Variants in SLC24A4 observed in about 807,000 individuals in gnomAD.
The protein encoded by SLC24A4 is sodium/potassium/calcium exchanger 4.
In SLC24A4, 53 loss-of-function variants were observed where a neutral mutation model predicts 79.0. The ratio of observed to expected loss-of-function variants is 0.67; its 90% CI spans 0.54 to 0.84. The LOEUF (loss-of-function observed/expected upper bound fraction) is 0.84, where lower values mean the gene tolerates loss of function less well. Among genes scored for constraint, SLC24A4 ranks in the 40% least tolerant of loss-of-function variants. The pLI is 0.00. For synonymous variants in SLC24A4, 323 were observed against 323.8 expected, an observed-to-expected ratio of 1.00 and a Z score of 0.03; for missense variants, 731 against 822.0, an observed-to-expected ratio of 0.89 and a Z score of 1.35.
intron 2 of SLC24A4, among the ~76,000 whole-genome samples, chr14:92,350,563 G>C (rs772057345): frequency 6.6e-6 from 1 of 152,186 alleles, no homozygotes; most frequent in Non-Finnish European, 1.5e-5. Flanking sequence ...ATCTGAGGGT[G>C]GGGATGATCT....
At chr14:92,447,348 G>T (rs147957599) in intron 8 of SLC24A4, 23 bp from the exon 9 acceptor site, 1 of 1,613,002 alleles carries the variant, frequency 6.2e-7, no homozygotes, top group Non-Finnish European at 8.5e-7. Flanking sequence ...AGCTCTAACC[G>T]CAATCTCCTT....
chr14:92,411,867 G>A (rs1595239468), intron 2 of SLC24A4, among the ~76,000 whole-genome samples: 1 of 152,184 alleles, frequency 6.6e-6, no homozygotes, highest in East Asian at 1.9e-4. Context: ...CCAAGGTTAA[G>A]ACCTCTGCCC....
chr14:92,340,907 AAAAT>A (rs1886105327), intron 2 of SLC24A4, among the ~76,000 whole-genome samples: 1 of 152,224 alleles, frequency 6.6e-6, no homozygotes, highest in South Asian at 2.1e-4. Flanking sequence ...GCATGTAAAC[AAAAT>A]AATAGGGGAG....
At chr14:92,329,393 A>G (rs544946074) in intron 2 of SLC24A4, among the ~76,000 whole-genome samples, 1 of 152,344 alleles carries the variant, frequency 6.6e-6, no homozygotes, top group East Asian at 1.9e-4. Context: ...AAGATTCTGC[A>G]TGGAAAACGG....
chr14:92,393,314 G>A (rs1889588357), intron 2 of SLC24A4, among the ~76,000 whole-genome samples: 1 of 152,186 alleles, frequency 6.6e-6, no homozygotes, highest in East Asian at 1.9e-4. Context: ...TTCATTTGTA[G>A]AATCCAAGCT....
intron 12 of SLC24A4, among the ~76,000 whole-genome samples, chr14:92,481,860 G>A (rs1895087115): frequency 6.6e-6 from 1 of 152,208 alleles, no homozygotes. Context: ...TGATGAGCAG[G>A]CCAGTTTTTA....
chr14:92,489,840 C>T (rs10150603), intron 14 of SLC24A4, among the ~76,000 whole-genome samples: 66,346 of 151,902 alleles, frequency 0.44, 14,737 homozygotes, highest in Non-Finnish European at 0.48. Context: ...ACCTTCCTAC[C>T]CTCCTGACCT....
chr14:92,480,397 C>T (rs1473596824), intron 12 of SLC24A4, among the ~76,000 whole-genome samples: 4 of 138,570 alleles, frequency 2.9e-5, no homozygotes, highest in African/African-American at 1.1e-4. Flanking sequence ...GGGTTCACGC[C>T]ATTCTCCTGC....
chr14:92,418,252 G>T (rs1241028636), intron 2 of SLC24A4, among the ~76,000 whole-genome samples: 1 of 152,184 alleles, frequency 6.6e-6, no homozygotes, highest in Non-Finnish European at 1.5e-5. Flanking sequence ...CAGGGCAGGA[G>T]CCAAGAGTGC....
intron 2 of SLC24A4, among the ~76,000 whole-genome samples, chr14:92,340,008 T>C (rs1025333286): frequency 6.6e-6 from 1 of 152,142 alleles, no homozygotes; most frequent in Admixed American, 6.5e-5. Context: ...AGATGGCAGG[T>C]GGGGGTCATC....
intron 2 of SLC24A4, among the ~76,000 whole-genome samples, chr14:92,419,266 G>A (rs1891151484): frequency 1.3e-5 from 2 of 152,192 alleles, no homozygotes; most frequent in Admixed American, 1.3e-4. Flanking sequence ...CAGAGGTGAA[G>A]GGAGGTGTCA....
At chr14:92,383,424 G>C (rs1011527574) in intron 2 of SLC24A4, among the ~76,000 whole-genome samples, 1 of 152,024 alleles carries the variant, frequency 6.6e-6, no homozygotes, top group Admixed American at 6.5e-5. Flanking sequence ...TGCATGTGCT[G>C]CGCCCCTGCC....
intron 12 of SLC24A4, among the ~76,000 whole-genome samples, chr14:92,474,854 T>TAG (rs1270818110): frequency 0.025 from 1,654 of 66,418 alleles, 104 homozygotes; most frequent in Middle Eastern, 0.037. Context: ...TATATATATA[T>TAG]ATATATATAT....
At chr14:92,343,050 G>T (rs75713940) in intron 2 of SLC24A4, among the ~76,000 whole-genome samples, 2 of 152,162 alleles carry the variant, frequency 1.3e-5, no homozygotes, top group East Asian at 3.9e-4. Context: ...ACATCCCTGC[G>T]CAGCTTGCAC....
At chr14:92,342,862 A>G (rs4904873) in intron 2 of SLC24A4, among the ~76,000 whole-genome samples, 150,576 of 152,356 alleles carry the variant, frequency 0.99, 74,432 homozygotes, top group Middle Eastern at 1. Context: ...CTTCTTGGAA[A>G]CATTCCCTTG....
intron 2 of SLC24A4, among the ~76,000 whole-genome samples, chr14:92,383,740 C>T (rs529808252): frequency 6.6e-6 from 1 of 152,292 alleles, no homozygotes; most frequent in African/African-American, 2.4e-5. Context: ...TATGAATGTT[C>T]ATGCAGAAGA....
At chr14:92,423,354 A>G (rs766241710) in intron 2 of SLC24A4, among the ~76,000 whole-genome samples, 2 of 152,212 alleles carry the variant, frequency 1.3e-5, no homozygotes, top group Admixed American at 6.5e-5. Flanking sequence ...CATGTTGGCC[A>G]GGCTGGTCTC....
chr14:92,381,483 G>A (rs1223878081), intron 2 of SLC24A4, among the ~76,000 whole-genome samples: 1 of 152,102 alleles, frequency 6.6e-6, no homozygotes, highest in Non-Finnish European at 1.5e-5. Context: ...TAATGCATGC[G>A]GGGCTTAAAG....
At chr14:92,455,221 T>A (rs1263913166) in intron 11 of SLC24A4, among the ~76,000 whole-genome samples, 1 of 152,158 alleles carries the variant, frequency 6.6e-6, no homozygotes, top group Non-Finnish European at 1.5e-5. Context: ...GCCCACTTAA[T>A]GTGAGGGTAT....
Sources: gnomAD v4.1 joint callset for allele counts (sites outside exome capture counted in the v4.1 genomes callset) on GRCh38, gnomAD v4.1.1 for gene constraint, MANE v1.5 for transcripts, NCBI Gene and HGNC (gene_info 2026-07-23, HGNC 2026-07-21) for gene names.